The following COA1 variants were observed in gnomAD, a reference collection of about 807,000 sequenced individuals.
COA1 encodes cytochrome c oxidase assembly factor 1 homolog.
COA1 carries 13 observed loss-of-function variants against 16.0 expected under a neutral mutation model. The ratio of observed to expected loss-of-function variants is 0.81; its 90% CI spans 0.53 to 1.29. The LOEUF (loss-of-function observed/expected upper bound fraction) is 1.29. COA1 is among the 50% of genes most tolerant of loss of function. The pLI, the probability that COA1 is intolerant of heterozygous loss-of-function variation, is 0.00. For missense variants in COA1, 179 were observed against 177.0 expected, an observed-to-expected ratio of 1.01 and a Z score of -0.06; for synonymous variants, 65 against 65.7, an observed-to-expected ratio of 0.99 and a Z score of 0.05.
intron 6 of COA1, chr7:43,624,725 T>C (rs2084305890): frequency 1.2e-5 from 19 of 1,613,932 alleles, no homozygotes; most frequent in Non-Finnish European, 1.5e-5. Context: ...TTACTTCATA[T>C]ACTCTAGGAC....
chr7:43,724,623 C>T (rs1305701112), intron 1 of COA1, among the ~76,000 whole-genome samples: 1 of 151,810 alleles, frequency 6.6e-6, no homozygotes, highest in Non-Finnish European at 1.5e-5. Context: ...CAGCACTATT[C>T]ACAATAGCCA....
intron 1 of COA1, among the ~76,000 whole-genome samples, chr7:43,725,487 C>T (rs1215884581): frequency 1.3e-5 from 2 of 152,160 alleles, no homozygotes; most frequent in Non-Finnish European, 2.9e-5. Flanking sequence ...TATATGTAAA[C>T]AGAGAGATGC....
chr7:43,674,202 GTCT>G (rs976461307), intron 1 of COA1, among the ~76,000 whole-genome samples: 1 of 152,164 alleles, frequency 6.6e-6, no homozygotes, highest in Non-Finnish European at 1.5e-5. Context: ...GAATTTTTAA[GTCT>G]TCTTTCTCCC....
At chr7:43,617,607 T>C (rs912228269) in intron 6 of COA1, among the ~76,000 whole-genome samples, 1 of 152,010 alleles carries the variant, frequency 6.6e-6, no homozygotes, top group Non-Finnish European at 1.5e-5. Context: ...GGAAGGAAAA[T>C]AGGAGTCTGT....
At chr7:43,667,602 G>A (rs907101148) in intron 1 of COA1, among the ~76,000 whole-genome samples, 10 of 152,044 alleles carry the variant, frequency 6.6e-5, no homozygotes, top group Non-Finnish European at 1.5e-4. Flanking sequence ...CTCAAAAGAC[G>A]GTTTATAATC....
At chr7:43,614,827 T>G (rs1464480387) in intron 6 of COA1, among the ~76,000 whole-genome samples, 2 of 152,236 alleles carry the variant, frequency 1.3e-5, no homozygotes, top group African/African-American at 2.4e-5. Context: ...CACACTGATT[T>G]AGGATTTACA....
At chr7:43,675,696 T>C (rs1334348849) in intron 1 of COA1, among the ~76,000 whole-genome samples, 1 of 152,158 alleles carries the variant, frequency 6.6e-6, no homozygotes, top group Non-Finnish European at 1.5e-5. Flanking sequence ...TGTAACAAAT[T>C]ACCTGCTAAA....
chr7:43,672,711 A>G (rs1416989672), intron 1 of COA1, among the ~76,000 whole-genome samples: 1 of 151,346 alleles, frequency 6.6e-6, no homozygotes, highest in Non-Finnish European at 1.5e-5. Flanking sequence ...CAGAGGTTGC[A>G]GTGAGCCAAG....
intron 1 of COA1, among the ~76,000 whole-genome samples, chr7:43,673,220 C>G (rs548786394): frequency 1.3e-5 from 2 of 152,268 alleles, no homozygotes; most frequent in South Asian, 2.1e-4. Flanking sequence ...ACAGAGTAAA[C>G]AGACAACCTA....
intron 1 of COA1, among the ~76,000 whole-genome samples, chr7:43,676,178 T>C (rs113985441): frequency 6.6e-6 from 1 of 152,190 alleles, no homozygotes; most frequent in Non-Finnish European, 1.5e-5. Flanking sequence ...ATTTTAAAAA[T>C]AGGAAAGTTG....
At chr7:43,712,517 T>C (rs919607360) in intron 1 of COA1, among the ~76,000 whole-genome samples, 2 of 152,212 alleles carry the variant, frequency 1.3e-5, no homozygotes, top group Admixed American at 6.5e-5. Flanking sequence ...ATATGTGATC[T>C]GGGTTTTTTT....
chr7:43,611,401 G>A (rs1262242477), intron 6 of COA1, among the ~76,000 whole-genome samples: 1 of 152,166 alleles, frequency 6.6e-6, no homozygotes, highest in African/African-American at 2.4e-5. Flanking sequence ...TGGACACTCA[G>A]GACCCAGTAG....
At chr7:43,686,304 T>TC (rs1027679670) in intron 1 of COA1, among the ~76,000 whole-genome samples, 7 of 142,098 alleles carry the variant, frequency 4.9e-5, no homozygotes, top group Non-Finnish European at 9.2e-5. Context: ...TGGCTTTGTT[T>TC]CTTTTTTTTT....
intron 1 of COA1, among the ~76,000 whole-genome samples, chr7:43,691,267 A>AG (rs1446412982): frequency 3.3e-5 from 1 of 30,176 alleles, no homozygotes; most frequent in South Asian, 1.4e-3. Context: ...AAAGAAAGAA[A>AG]AGAAAGAAAG....
chr7:43,646,414 A>G lies in COA1; in HGVS notation c.116-1015T>C, dbSNP rs188368816. 516 of 370,816 alleles carry G rather than the reference A, an allele frequency of 1.4e-3. 1 individual carries two copies. Among genetic ancestry groups the G allele is most frequent in the African/African-American group, 0.01 (479 of 47,706 alleles). 23.0% of individuals were successfully genotyped at this position (370,816 alleles called of 1,614,324 possible). On this transcript the variant is annotated intron_variant, in intron 3 of 5. Coordinates refer to ENST00000223336, the MANE Select transcript of COA1 (RefSeq NM_018224.4). ...GTGAGATTCAATTCTCACCTCATAC[A>G]CAAGCACTAACATTACCACACATCA...
At chr7:43,656,203 A>T (rs532804505) in intron 1 of COA1, 8 of 152,384 alleles carry the variant, frequency 5.2e-5, no homozygotes, top group Admixed American at 5.2e-4. Context: ...AAGCTACTAA[A>T]TTTTGACAAG....
At position 43,623,585 on chromosome 7, in the gene COA1, T is replaced by C. The variant is rs2230753; in HGVS notation, c.*134-14090A>G. ...TTCTGATACTAGCTCCTGAAATTCT[T>C]AGTTATGATCCTATAAGCATGGCAA... is the stretch of plus-strand genomic sequence containing the variant. On this transcript the variant is annotated intron_variant and NMD_transcript_variant, in intron 6 of 6. Transcript: ENST00000415076. The C allele has an allele frequency of 5.8e-3, 9,407 of 1,609,418 alleles. 495 individuals carry two copies. In the African/African-American group the frequency reaches 0.11, roughly 19 times the overall value.
intron 6 of COA1, among the ~76,000 whole-genome samples, chr7:43,614,295 C>T (rs1468616175): frequency 6.6e-6 from 1 of 152,144 alleles, no homozygotes; most frequent in Non-Finnish European, 1.5e-5. Flanking sequence ...CTGCCTATTC[C>T]ACTGTTATCA....
downstream of COA1, among the ~76,000 whole-genome samples, chr7:43,634,914 T>A (rs1432913241): frequency 2.0e-5 from 3 of 152,210 alleles, no homozygotes; most frequent in Non-Finnish European, 2.9e-5. Flanking sequence ...GGGAAATCGA[T>A]GCTGTGTTAT....
Sources: allele counts gnomAD v4.1 joint callset (sites outside exome capture counted in the v4.1 genomes callset), GRCh38; gene constraint gnomAD v4.1.1; transcripts MANE v1.5; gene names NCBI Gene and HGNC (gene_info 2026-07-23, HGNC 2026-07-21).